Variants in ENTPD7 observed in about 807,000 individuals in gnomAD.
ENTPD7 encodes NTPDase 7.
In ENTPD7, 53 loss-of-function variants were observed where a neutral mutation model predicts 77.9. The ratio of observed to expected loss-of-function variants is 0.68; its 90% CI spans 0.55 to 0.85. ENTPD7 has a LOEUF of 0.85. Ranked by LOEUF, ENTPD7 falls within the 40% of genes least tolerant of loss-of-function variation. ENTPD7 has a pLI of 0.00. For synonymous variants in ENTPD7, 248 were observed against 274.9 expected, an observed-to-expected ratio of 0.90 and a Z score of 0.97; for missense variants, 636 against 743.7, an observed-to-expected ratio of 0.86 and a Z score of 1.68.
intron 6 of ENTPD7, among the ~76,000 whole-genome samples, chr10:99,688,452 C>T (rs752937624): frequency 6.6e-6 from 1 of 151,956 alleles, no homozygotes; most frequent in Non-Finnish European, 1.5e-5. Context: ...ATGATTTATA[C>T]TTCTTAGACA....
chr10:99,671,934 G>A (rs1347925740), intron 3 of ENTPD7, among the ~76,000 whole-genome samples: 1 of 152,192 alleles, frequency 6.6e-6, no homozygotes, highest in African/African-American at 2.4e-5. Context: ...GCAAGTCAAA[G>A]AGAAGCATTG....
chr10:99,665,384 C>T (rs1195037225), intron 3 of ENTPD7, among the ~76,000 whole-genome samples: 1 of 152,152 alleles, frequency 6.6e-6, no homozygotes, highest in Non-Finnish European at 1.5e-5. Context: ...AGAGCCTTGC[C>T]AGAAACCTCT....
In ENTPD7 at chr10:99,702,610, A is replaced by G. The variant is rs373982470; in HGVS notation, c.1520A>G (p.Tyr507Cys). Residue 507 changes from tyrosine to cysteine, a missense_variant, in exon 12 of 13, where the codon TAT becomes TGT. Around this residue, in one of 3 missense-constraint regions of ENTPD7, gnomAD observed 138 missense variants for 150.9 expected, o/e 0.91. Transcript: ENST00000370489. ...AACCTGCGGACAGCCCAGCTGGTGT[A>G]TGACCGAGAGGTTCAGTGGACGCTG... is the stretch of plus-strand genomic sequence containing the variant. ...YPNLRTAQLVYDREVQWTLGA... is the reference protein window; with the variant it reads ...YPNLRTAQLVCDREVQWTLGA... The G allele has an allele frequency of 4.3e-6, 7 of 1,613,748 alleles. No individual in the cohort carries two copies. The African/African-American group carries it at 8.0e-5, about 18-fold the overall frequency.
In ENTPD7 at chr10:99,696,023, T is replaced by C. The variant is rs1352393566; in HGVS notation, c.911T>C (p.Val304Ala). 6.2e-7 allele frequency: 1 copy of C among 1,614,106 alleles called. No individual in the cohort carries two copies. The highest frequency in any genetic ancestry group is 8.5e-7 in the Non-Finnish European group (1 of 1,180,040). ...TGTGATGTGCAACACACTGAACACG[T>C]GTACAGGGTTTATGTCACAACTTTT... ...LGCDVQHTEH[V>A]YRVYVTTFLG... Residue 304 changes from valine to alanine, a missense_variant, in exon 9 of 13, where the codon GTG becomes GCG. Transcript: ENST00000370489.
intron 3 of ENTPD7, among the ~76,000 whole-genome samples, chr10:99,671,469 C>T (rs761139458): frequency 6.6e-6 from 1 of 152,088 alleles, no homozygotes; most frequent in African/African-American, 2.4e-5. Context: ...ACACATTAGC[C>T]TAAGCCTGCA....
chr10:99,663,965 G>T (rs927601166), intron 3 of ENTPD7, among the ~76,000 whole-genome samples: 1 of 151,610 alleles, frequency 6.6e-6, no homozygotes, highest in Non-Finnish European at 1.5e-5. Context: ...TTTTTTTCCA[G>T]TCTTTTTTCT....
intron 8 of ENTPD7, among the ~76,000 whole-genome samples, chr10:99,692,215 T>C (rs61870397): frequency 0.019 from 2,937 of 152,348 alleles, 42 homozygotes; most frequent in Non-Finnish European, 0.031. Context: ...CTTCTCATCG[T>C]TGGCACTCTT....
chr10:99,710,640 C>G lies in ENTPD7; in HGVS notation c.*5957C>G. The stretch of plus-strand genomic sequence containing the variant: ...CATGTTAGAGAGGTGATGCATTCTC[C>G]CTTATGCAGGGACATGGGTATATGT... On this transcript the variant is annotated 3_prime_UTR_variant, in exon 13 of 13. Transcript: ENST00000370489. 1 of 985,322 alleles carries G rather than the reference C, an allele frequency of 1.0e-6. No individual in the cohort carries two copies. The highest frequency in any genetic ancestry group is 1.2e-6 in the Non-Finnish European group (1 of 829,884). The allele number at this position is 985,322 out of a possible 1,614,324, so 61.0% of individuals were successfully genotyped here.
chr10:99,665,804 G>A (rs1332128782), intron 3 of ENTPD7, among the ~76,000 whole-genome samples: 1 of 152,000 alleles, frequency 6.6e-6, no homozygotes, highest in Non-Finnish European at 1.5e-5. Context: ...GCCTCCCAGA[G>A]TGTTGGGATT....
At chr10:99,672,660 G>T (rs962197719) in intron 3 of ENTPD7, among the ~76,000 whole-genome samples, 1 of 152,248 alleles carries the variant, frequency 6.6e-6, no homozygotes, top group Non-Finnish European at 1.5e-5. Context: ...AGATGTTCCT[G>T]ACTGCTCTGA....
At chr10:99,702,377 C>T in intron 11 of ENTPD7, 135 bp from the exon 12 acceptor site, 1 of 674,238 alleles carries the variant, frequency 1.5e-6, no homozygotes, top group South Asian at 2.2e-5. Flanking sequence ...AAATAACCCA[C>T]TTAGAGGTGA....
chr10:99,699,596 G>A (rs970173170), intron 10 of ENTPD7, among the ~76,000 whole-genome samples: 14 of 152,062 alleles, frequency 9.2e-5, no homozygotes, highest in African/African-American at 2.9e-4. Flanking sequence ...ATGGGGTCTC[G>A]CTCTGTAGCC....
Position 99,698,501 on chromosome 10 carries a change from T to G in ENTPD7, c.1011-33T>G, listed in dbSNP as rs748660599. 4 of 1,559,890 alleles carry G rather than the reference T, an allele frequency of 2.6e-6. No homozygotes were observed. In the East Asian group the frequency reaches 9.0e-5, roughly 35 times the overall value. On this transcript the variant is annotated intron_variant, in intron 9 of 12. Coordinates refer to ENST00000370489, the MANE Select transcript of ENTPD7 (RefSeq NM_020354.5). ...TAGGTTGAATACAGGCATGACGTGT[T>G]TGTTTGTTTGTTTGTTTTTGTCATT...
chr10:99,680,503 G>A (rs561797757), intron 5 of ENTPD7, among the ~76,000 whole-genome samples: 3 of 152,214 alleles, frequency 2.0e-5, no homozygotes, highest in African/African-American at 4.8e-5. Flanking sequence ...TAGGCCGGGG[G>A]AAGAATGAGC....
chr10:99,691,819 GTATCTCC>G (rs1219706927), intron 8 of ENTPD7, among the ~76,000 whole-genome samples: 3 of 152,152 alleles, frequency 2.0e-5, no homozygotes, highest in Non-Finnish European at 4.4e-5. Flanking sequence ...ACTATACTAG[GTATCTCC>G]TGCCATTGCT....
At chr10:99,666,794 A>G (rs1432141410) in intron 3 of ENTPD7, among the ~76,000 whole-genome samples, 1 of 152,242 alleles carries the variant, frequency 6.6e-6, no homozygotes, top group African/African-American at 2.4e-5. Context: ...AGTATTGAAT[A>G]TCTCATGTAA....
Position 99,659,786 on chromosome 10 carries a change from TG to T in ENTPD7, c.-95-73del. ...ACGGAGCGGGAGCCTGGGGAGGAGG[TG>T]GGAGCCGTGGAATTCCCGTGCAGGT... On this transcript the variant is annotated intron_variant, in intron 1 of 12. Coordinates refer to ENST00000370489, the MANE Select transcript of ENTPD7 (RefSeq NM_020354.5). The surrounding 1 kb of genome is among the most constrained non-coding windows in gnomAD (Gnocchi z 4.1). 1 of 837,408 alleles carries T rather than the reference TG, an allele frequency of 1.2e-6. No individual in the cohort carries two copies. The highest frequency in any genetic ancestry group is 1.9e-6 in the Non-Finnish European group (1 of 539,426). The allele number at this position is 837,408 out of a possible 1,614,324, so 51.9% of individuals were successfully genotyped here. A position where few individuals can be genotyped will look rare whatever the true frequency, so the allele number is the denominator to read the frequency against.
intron 10 of ENTPD7, among the ~76,000 whole-genome samples, chr10:99,699,173 A>G (rs1206897847): frequency 1.3e-5 from 2 of 152,182 alleles, no homozygotes; most frequent in African/African-American, 2.4e-5. Context: ...TTTAATGTTT[A>G]TGCCCAAGAA....
intron 8 of ENTPD7, 57 bp downstream of exon 8, chr10:99,691,575 G>C (rs2035884638): frequency 1.3e-6 from 2 of 1,596,392 alleles, no homozygotes; most frequent in Non-Finnish European, 1.7e-6. Context: ...TGAGAAGGAA[G>C]GACACTGTCT....
Sources: gnomAD v4.1 joint callset for allele counts (sites outside exome capture counted in the v4.1 genomes callset) on GRCh38, gnomAD v4.1.1 for gene constraint, gnomAD v4.1.1 regional missense constraint, Gnocchi (gnomAD v3.1) non-coding constraint, MANE v1.5 for transcripts, NCBI Gene and HGNC (gene_info 2026-07-23, HGNC 2026-07-21) for gene names.